The following ISG20 variants were observed in gnomAD, a reference collection of about 807,000 sequenced individuals.
ISG20 encodes the protein interferon stimulated exonuclease gene 20.
ISG20 carries 8 observed loss-of-function variants against 11.1 expected under a neutral mutation model. The observed-to-expected ratio is 0.72, with a 90% CI of 0.42 to 1.30. ISG20 has a LOEUF of 1.30. ISG20 is among the 50% of genes most tolerant of loss of function. The pLI is 0.01. For synonymous variants in ISG20, 110 were observed against 101.7 expected (o/e 1.08, Z -0.49); for missense variants, 243 against 250.2 (o/e 0.97, Z 0.19).
At chr15:88,655,289 A>T in intron 3 of ISG20, 126 bp from the exon 4 acceptor site, 1 of 815,838 alleles carries the variant, frequency 1.2e-6, no homozygotes, top group Non-Finnish European at 2.1e-6. Context: ...CAGAGACCTC[A>T]AGAGACTCTC....
intron 2 of ISG20, chr15:88,646,830 G>C (rs1214820512): frequency 6.6e-6 from 1 of 152,450 alleles, no homozygotes; most frequent in Non-Finnish European, 1.5e-5. Context: ...GAGTGCAGTG[G>C]CGCAGTCTTG....
At chr15:88,644,109 T>A (rs1197886478) in intron 2 of ISG20, among the ~76,000 whole-genome samples, 1 of 152,146 alleles carries the variant, frequency 6.6e-6, no homozygotes, top group Non-Finnish European at 1.5e-5. Context: ...AGAGTCTATG[T>A]AGGGAATTAA....
At chr15:88,649,992 C>T in intron 2 of ISG20, 1 of 515,616 alleles carries the variant, frequency 1.9e-6, no homozygotes, top group Non-Finnish European at 3.5e-6. Flanking sequence ...CCTGTGGTTG[C>T]CAGGGGAGAA....
At position 88,650,656 on chromosome 15, in the gene ISG20, G is replaced by C; in HGVS notation, c.229-1454G>C. 1 of 328,378 alleles carries C rather than the reference G, an allele frequency of 3.0e-6. No individual in the cohort carries two copies. Among genetic ancestry groups the C allele is most frequent in the South Asian group, 2.9e-5 (1 of 34,640 alleles). The allele number at this position is 328,378 out of a possible 1,614,324, so 20.3% of individuals were successfully genotyped here. ...AGGCTGGGGGCTGGAACCATTGGAA[G>C]GTTTGCTCACCCACCTGTCTGGTGG... is the stretch of plus-strand genomic sequence containing the variant. On this transcript the variant is annotated intron_variant, in intron 2 of 3. Transcript: ENST00000306072. This position sits in a 1 kb window ranked among gnomAD's most constrained non-coding sequence, Gnocchi z 4.0.
At chr15:88,655,263 C>G in intron 3 of ISG20, 152 bp from the exon 4 acceptor site, 1 of 687,404 alleles carries the variant, frequency 1.5e-6, no homozygotes, top group Non-Finnish European at 2.5e-6. Context: ...TGCTGAGTCT[C>G]CTAAGTCCAG....
chr15:88,647,245 C>G (rs1034704157), intron 2 of ISG20: 12 of 151,578 alleles, frequency 7.9e-5, no homozygotes, highest in Non-Finnish European at 1.3e-4. Flanking sequence ...ACCCCCCCCC[C>G]ACTCCACCCC....
intron 2 of ISG20, among the ~76,000 whole-genome samples, chr15:88,644,341 C>G (rs982589762): frequency 6.6e-6 from 1 of 151,828 alleles, no homozygotes; most frequent in Non-Finnish European, 1.5e-5. Context: ...TGAGATCAGC[C>G]TGGCTAACAT....
rs74553821 is a variant in ISG20, at chr15:88,651,675, G to T, written c.229-435G>T. 2.6e-4 allele frequency: 155 copies of T among 604,428 alleles called. 3 individuals carry two copies. In the East Asian group the frequency reaches 0.015, roughly 57 times the overall value. The allele number at this position is 604,428 out of a possible 1,614,324, so 37.4% of individuals were successfully genotyped here. A position where few individuals can be genotyped will look rare whatever the true frequency, so the allele number is the denominator to read the frequency against. On this transcript the variant is annotated intron_variant, in intron 2 of 3. Transcript: ENST00000306072. ...CTGATTAGCAATCTAAGTTCTGCCC[G>T]GAACTTTAATTCCTCTTTGCCAGGT...
At chr15:88,642,569 G>T (rs985558121) in intron 2 of ISG20, among the ~76,000 whole-genome samples, 1 of 152,338 alleles carries the variant, frequency 6.6e-6, no homozygotes, top group Non-Finnish European at 1.5e-5. Context: ...GACCTGGAGT[G>T]TAGCTGGTTT....
Position 88,650,225 on chromosome 15 carries a change from C to G in ISG20, c.229-1885C>G. On this transcript the variant is annotated intron_variant, in intron 2 of 3. Transcript: ENST00000306072. The surrounding 1 kb of genome is among the most constrained non-coding windows in gnomAD (Gnocchi z 4.0). The stretch of plus-strand genomic sequence containing the variant: ...TTCCCTAATAGAGCTCACATCTGTT[C>G]TATTTTCAGGTCCCCTTCCCATCCT... 6.5e-7 allele frequency: 1 copy of G among 1,534,974 alleles called. No homozygotes were observed. Among genetic ancestry groups the G allele is most frequent in the East Asian group, 2.4e-5 (1 of 40,900 alleles).
rs768749949 is a variant in ISG20 at position 88,652,189 on chromosome 15, G to A, written c.308G>A (p.Ser103Asn). The A allele has an allele frequency of 6.2e-7, 1 of 1,614,084 alleles. No individual in the cohort carries two copies. Among genetic ancestry groups the A allele is most frequent in the African/African-American group, 1.3e-5 (1 of 75,026 alleles). Reference protein sequence around the residue: ...HDFQALKEDMSGYTIYDTSTD... With the variant: ...HDFQALKEDMNGYTIYDTSTD... ...TTCCAGGCACTGAAAGAGGACATGA[G>A]CGGCTACACAATCTACGACACGTCC... Residue 103 changes from serine (S) to asparagine (N), a missense_variant, in exon 3 of 4, where the codon AGC becomes AAC. Coordinates refer to ENST00000306072, the MANE Select transcript of ISG20 (RefSeq NM_002201.6).
At chr15:88,651,253 T>C in intron 2 of ISG20, 1 of 985,448 alleles carries the variant, frequency 1.0e-6, no homozygotes, top group Non-Finnish European at 1.2e-6. Flanking sequence ...GATATTTCCT[T>C]TGTAAAACTC....
chr15:88,637,919 A>T (rs1443656598), upstream of ISG20, among the ~76,000 whole-genome samples: 1 of 152,246 alleles, frequency 6.6e-6, no homozygotes, highest in Admixed American at 6.5e-5. Flanking sequence ...AAAGTTGCTT[A>T]TTCAGGATGG....
At position 88,652,271 on chromosome 15, in the gene ISG20, G is replaced by A. The variant is rs2058286726; in HGVS notation, c.390G>A (p.Leu130=). ...AKLDHCRRVS[L]RVLSERLLHK... ...TGGACCACTGCAGGCGTGTCTCCCT[G>A]CGGGTGCTGAGTGAGCGCCTCCTAC... Residue 130 remains leucine (L), a synonymous_variant, in exon 3 of 4, where the codon CTG becomes CTA. Coordinates refer to ENST00000306072, the MANE Select transcript of ISG20 (RefSeq NM_002201.6). The A allele has an allele frequency of 7.4e-6, 12 of 1,613,752 alleles. No individual in the cohort carries two copies. The highest frequency in any genetic ancestry group is 1.6e-4 in the Middle Eastern group (1 of 6,062).
chr15:88,638,480 G>A (rs1025930484), upstream of ISG20, among the ~76,000 whole-genome samples: 2 of 152,154 alleles, frequency 1.3e-5, no homozygotes, highest in Non-Finnish European at 1.5e-5. Flanking sequence ...TGGAACCCAC[G>A]GAGGCCTGTA....
At position 88,639,652 on chromosome 15, in the gene ISG20, G is replaced by A. The variant is rs1288359996; in HGVS notation, c.228+58G>A. 2.9e-6 allele frequency: 4 copies of A among 1,384,658 alleles called. No individual in the cohort carries two copies. Among genetic ancestry groups the A allele is most frequent in the African/African-American group, 1.4e-5 (1 of 70,394 alleles). 85.8% of individuals were successfully genotyped at this position (1,384,658 alleles called of 1,614,324 possible). On this transcript the variant is annotated intron_variant, in intron 2 of 3. Coordinates refer to ENST00000306072, the MANE Select transcript of ISG20 (RefSeq NM_002201.6). The surrounding 1 kb of genome is among the most constrained non-coding windows in gnomAD (Gnocchi z 4.2). ...AAATAACCCCTCTCCCACTTCCCTG[G>A]CCCCTCTTCCCTGGTGCCCATCTGT...
chr15:88,645,764 C>T (rs1166028562), intron 2 of ISG20, among the ~76,000 whole-genome samples: 2 of 152,124 alleles, frequency 1.3e-5, no homozygotes, highest in Non-Finnish European at 2.9e-5. Context: ...TGCACTTACC[C>T]ACTCCTGCCC....
chr15:88,644,531 C>G, intron 2 of ISG20, among the ~76,000 whole-genome samples: 1 of 87,060 alleles, frequency 1.1e-5, no homozygotes. Flanking sequence ...GACTTAGTCT[C>G]CAAAAAAAAA....
intron 2 of ISG20, chr15:88,651,122 A>G (rs1269935606): frequency 3.6e-5 from 29 of 802,274 alleles, no homozygotes; most frequent in Non-Finnish European, 4.4e-5. Flanking sequence ...CATACAGGCC[A>G]GCCCATATGC....
Sources: gnomAD v4.1 joint callset for allele counts (sites outside exome capture counted in the v4.1 genomes callset) on GRCh38, gnomAD v4.1.1 for gene constraint, Gnocchi (gnomAD v3.1) non-coding constraint, MANE v1.5 for transcripts, NCBI Gene and HGNC (gene_info 2026-07-23, HGNC 2026-07-21) for gene names.